The following MPZL1 variants were observed in gnomAD, a reference collection of about 807,000 sequenced individuals.
MPZL1 encodes the protein myelin protein zero like 1.
Under a neutral mutation model 29.3 loss-of-function variants are expected in MPZL1, and 16 were observed. The ratio of observed to expected loss-of-function variants is 0.55; its 90% CI spans 0.37 to 0.83. The LOEUF (loss-of-function observed/expected upper bound fraction) is 0.83, where lower values mean the gene tolerates loss of function less well. Ranked by LOEUF, MPZL1 falls within the 40% of genes least tolerant of loss-of-function variation. The pLI, the probability that MPZL1 is intolerant of heterozygous loss-of-function variation, is 0.00. For missense variants in MPZL1, 279 were observed against 332.9 expected, an observed-to-expected ratio of 0.84 and a Z score of 1.26; for synonymous variants, 143 against 132.0, an observed-to-expected ratio of 1.08 and a Z score of -0.57.
chr1:167,740,056 C>T (rs1234557742), intron 1 of MPZL1, among the ~76,000 whole-genome samples: 2 of 152,224 alleles, frequency 1.3e-5, no homozygotes, highest in Admixed American at 6.5e-5. Flanking sequence ...CCCAGCCCTT[C>T]TGTGCCATCA....
At chr1:167,737,672 A>C (rs1213201658) in intron 1 of MPZL1, among the ~76,000 whole-genome samples, 1 of 152,026 alleles carries the variant, frequency 6.6e-6, no homozygotes, top group East Asian at 1.9e-4. Flanking sequence ...AGCCTAAAAC[A>C]CCCCTTTCTT....
intron 1 of MPZL1, among the ~76,000 whole-genome samples, chr1:167,739,294 T>TATAC (rs1336949686): frequency 2.7e-5 from 3 of 112,582 alleles, no homozygotes; most frequent in Admixed American, 2.5e-4. Flanking sequence ...TATATATATA[T>TATAC]ATATATATAT....
intron 4 of MPZL1, among the ~76,000 whole-genome samples, chr1:167,775,038 CAT>C (rs1386387101): frequency 6.6e-6 from 1 of 152,194 alleles, no homozygotes; most frequent in East Asian, 1.9e-4. Context: ...TGTGAAGTTA[CAT>C]AGAGTTTTTA....
chr1:167,774,117 A>G (rs1661311549), intron 4 of MPZL1, among the ~76,000 whole-genome samples: 1 of 152,260 alleles, frequency 6.6e-6, no homozygotes. Context: ...AATAAAGAAA[A>G]ATAGACTTTC....
At chr1:167,786,036 G>A (rs956487703) in intron 5 of MPZL1, among the ~76,000 whole-genome samples, 18 of 152,156 alleles carry the variant, frequency 1.2e-4, no homozygotes, top group Non-Finnish European at 2.2e-4. Context: ...CTCATGATCC[G>A]CCCGCCTCGG....
chr1:167,735,493 CAT>C (rs371310545), intron 1 of MPZL1, among the ~76,000 whole-genome samples: 1 of 151,808 alleles, frequency 6.6e-6, no homozygotes, highest in Non-Finnish European at 1.5e-5. Context: ...GCAAGATGTG[CAT>C]GTGTGTGTGT....
intron 2 of MPZL1, among the ~76,000 whole-genome samples, chr1:167,768,074 G>T (rs10918761): frequency 0.085 from 12,980 of 151,960 alleles, 587 homozygotes; most frequent in South Asian, 0.15. Context: ...GTAGCCCCTT[G>T]TTATTCTTCT....
At chr1:167,785,861 T>C (rs927437824) in intron 5 of MPZL1, among the ~76,000 whole-genome samples, 1 of 152,198 alleles carries the variant, frequency 6.6e-6, no homozygotes, top group African/African-American at 2.4e-5. Flanking sequence ...GGCGCTATCT[T>C]GGCTCACTGT....
At chr1:167,770,654 A>G (rs577496897) in intron 2 of MPZL1, among the ~76,000 whole-genome samples, 24 of 152,294 alleles carry the variant, frequency 1.6e-4, no homozygotes, top group African/African-American at 5.8e-4. Context: ...TCTTAGTGGT[A>G]AGCTAACTCA....
chr1:167,757,321 T>TCATAGTAGACACTGTGA (rs1660889012), intron 1 of MPZL1, among the ~76,000 whole-genome samples: 1 of 152,260 alleles, frequency 6.6e-6, no homozygotes, highest in Non-Finnish European at 1.5e-5. Context: ...GGGAATCGTG[T>TCATAGTAGACACTGTGA]GGAATTTTCA....
intron 1 of MPZL1, among the ~76,000 whole-genome samples, chr1:167,736,099 A>G (rs894866721): frequency 6.6e-6 from 1 of 152,066 alleles, no homozygotes; most frequent in Non-Finnish European, 1.5e-5. Flanking sequence ...AACATGGTTG[A>G]CCACTTTGAT....
chr1:167,781,502 C>T (rs952154256), intron 5 of MPZL1, among the ~76,000 whole-genome samples: 1 of 151,958 alleles, frequency 6.6e-6, no homozygotes, highest in East Asian at 1.9e-4. Flanking sequence ...AACAAGAAGT[C>T]ACAAGAAAAA....
At chr1:167,736,893 T>C (rs1181686574) in intron 1 of MPZL1, among the ~76,000 whole-genome samples, 2 of 152,236 alleles carry the variant, frequency 1.3e-5, no homozygotes, top group African/African-American at 2.4e-5. Context: ...ATCTCTGGGA[T>C]GTACTTAGGT....
At chr1:167,763,869 CTT>C (rs1455206152) in intron 1 of MPZL1, among the ~76,000 whole-genome samples, 1 of 152,186 alleles carries the variant, frequency 6.6e-6, no homozygotes, top group Admixed American at 6.5e-5. Flanking sequence ...AAAAAATCTG[CTT>C]GATGCAGTAT....
intron 1 of MPZL1, among the ~76,000 whole-genome samples, chr1:167,758,177 G>A (rs1660910444): frequency 6.6e-6 from 1 of 151,754 alleles, no homozygotes; most frequent in Admixed American, 6.6e-5. Context: ...AAAAGATAAG[G>A]TTTTTACAAA....
chr1:167,781,805 T>C (rs373358630), intron 5 of MPZL1, among the ~76,000 whole-genome samples: 1 of 152,168 alleles, frequency 6.6e-6, no homozygotes, highest in Non-Finnish European at 1.5e-5. Context: ...GGATCTTCTT[T>C]ATGCCTTTGG....
intron 1 of MPZL1, among the ~76,000 whole-genome samples, chr1:167,731,434 C>CTTTT (rs1255648939): frequency 7.4e-5 from 9 of 121,588 alleles, no homozygotes; most frequent in South Asian, 2.8e-4. Context: ...AAAACTGTGT[C>CTTTT]TTTTTTTTTT....
chr1:167,740,851 T>A (rs1660503420), intron 1 of MPZL1, among the ~76,000 whole-genome samples: 1 of 152,212 alleles, frequency 6.6e-6, no homozygotes, highest in Non-Finnish European at 1.5e-5. Flanking sequence ...ATCTATCCAG[T>A]TGCTCAAGCT....
rs375713174 is a variant in MPZL1, at chr1:167,765,661, C to T, written c.170C>T (p.Thr57Ile). Residue 57 changes from threonine to isoleucine, a missense_variant, in exon 2 of 6, where the codon ACC becomes ATC. Thr to Ile is a moderately conservative substitution (Grantham distance 89). Transcript: ENST00000359523. ...GCAAATGGTACACAAGGGAAGCTGA[C>T]CTGCAAGTTCAAGTCTACTAGTACG... ...FVANGTQGKLTCKFKSTSTTG... is the reference protein window; with the variant it reads ...FVANGTQGKLICKFKSTSTTG... 17 of 1,613,526 alleles carry T rather than the reference C, an allele frequency of 1.1e-5. No individual in the cohort carries two copies. In the African/African-American group the frequency reaches 2.1e-4, roughly 20 times the overall value.
Sources: gnomAD v4.1 joint callset for allele counts (sites outside exome capture counted in the v4.1 genomes callset) on GRCh38, gnomAD v4.1.1 for gene constraint, MANE v1.5 for transcripts, NCBI Gene and HGNC (gene_info 2026-07-23, HGNC 2026-07-21) for gene names.